Variants in RBKS observed in about 807,000 individuals in gnomAD.
RBKS encodes the protein ribokinase.
Under a neutral mutation model 33.9 loss-of-function variants are expected in RBKS, and 33 were observed. That is an observed-to-expected ratio of 0.97 (90% CI 0.74 to 1.30). RBKS has a LOEUF of 1.30. RBKS is among the 50% of genes most tolerant of loss of function. The pLI, the probability that RBKS is intolerant of heterozygous loss-of-function variation, is 0.00. For missense variants in RBKS, 361 were observed against 392.6 expected, an observed-to-expected ratio of 0.92 and a Z score of 0.68; for synonymous variants, 125 against 143.0, an observed-to-expected ratio of 0.87 and a Z score of 0.90.
chr2:27,830,553 C>T (rs896868177), intron 6 of RBKS, among the ~76,000 whole-genome samples: 1 of 152,256 alleles, frequency 6.6e-6, no homozygotes, highest in Non-Finnish European at 1.5e-5. Flanking sequence ...CGTTAGCCAC[C>T]GCGCCTGGCT....
At chr2:27,856,633 T>C (rs1007430599) in intron 2 of RBKS, among the ~76,000 whole-genome samples, 3 of 152,176 alleles carry the variant, frequency 2.0e-5, no homozygotes, top group Non-Finnish European at 2.9e-5. Flanking sequence ...ATAGCTTCCA[T>C]AAAACATCCA....
At chr2:27,796,414 A>G (rs1443994130) in intron 7 of RBKS, among the ~76,000 whole-genome samples, 1 of 152,112 alleles carries the variant, frequency 6.6e-6, no homozygotes, top group African/African-American at 2.4e-5. Context: ...GGCATAATTC[A>G]TCTTCCTTCA....
At chr2:27,844,706 T>C (rs946357581) in intron 4 of RBKS, among the ~76,000 whole-genome samples, 2 of 152,060 alleles carry the variant, frequency 1.3e-5, no homozygotes, top group African/African-American at 2.4e-5. Flanking sequence ...CAAGATAAAT[T>C]TTTGATTACA....
intron 3 of RBKS, 135 bp from the exon 4 acceptor site, chr2:27,847,239 A>C (rs1215700280): frequency 1.1e-5 from 6 of 562,514 alleles, no homozygotes; most frequent in Non-Finnish European, 1.6e-5. Flanking sequence ...AAAAAAAATA[A>C]GTAATTAGTG....
At chr2:27,869,477 G>A (rs1340130721) in intron 1 of RBKS, among the ~76,000 whole-genome samples, 6 of 152,052 alleles carry the variant, frequency 3.9e-5, no homozygotes, top group African/African-American at 1.4e-4. Context: ...AATGTTCTGT[G>A]GTATTCCACA....
In RBKS at chr2:27,827,636, C is replaced by T; in HGVS notation, c.726G>A (p.Val242=). 1.2e-6 allele frequency: 2 copies of T among 1,613,560 alleles called. No homozygotes were observed. Among genetic ancestry groups the T allele is most frequent in the Non-Finnish European group, 1.7e-6 (2 of 1,179,800 alleles). The change falls in exon 7 of 8, where the codon GTG becomes GTA. Residue 242 remains valine, a synonymous_variant. Coordinates refer to ENST00000302188, the MANE Select transcript of RBKS (RefSeq NM_022128.3). ...GCTCAGGTTCTGTCTGTGACAGCAC[C>T]ACACATCCTTCAGCCCCTAAGGTAA... ...VIITLGAEGC[V]VLSQTEPEPK...
intron 4 of RBKS, among the ~76,000 whole-genome samples, chr2:27,846,442 T>G (rs1663622206): frequency 6.6e-6 from 1 of 152,230 alleles, no homozygotes; most frequent in South Asian, 2.1e-4. Flanking sequence ...GCATTGGCAT[T>G]ACAGGTGTGA....
chr2:27,818,681 T>C (rs1678143792), intron 7 of RBKS, among the ~76,000 whole-genome samples: 1 of 152,228 alleles, frequency 6.6e-6, no homozygotes, highest in Non-Finnish European at 1.5e-5. Flanking sequence ...TGGCACAGTG[T>C]GGTGCCCAGC....
intron 7 of RBKS, among the ~76,000 whole-genome samples, chr2:27,821,364 C>T (rs563838320): frequency 6.6e-6 from 1 of 151,964 alleles, no homozygotes; most frequent in Non-Finnish European, 1.5e-5. Context: ...GTTGTAATTA[C>T]ACTATTTTTT....
chr2:27,782,927 A>C (rs2148178355), intron 7 of RBKS, among the ~76,000 whole-genome samples: 1 of 152,112 alleles, frequency 6.6e-6, no homozygotes, highest in East Asian at 1.9e-4. Context: ...AATTATTGGG[A>C]GTTCTTCTGC....
At chr2:27,806,012 C>T (rs1430154365) in intron 7 of RBKS, among the ~76,000 whole-genome samples, 1 of 152,134 alleles carries the variant, frequency 6.6e-6, no homozygotes, top group Non-Finnish European at 1.5e-5. Context: ...CTATCTCAGC[C>T]TCCCAGGTAG....
At chr2:27,874,802 G>A (rs1295151777) in intron 1 of RBKS, among the ~76,000 whole-genome samples, 3 of 152,174 alleles carry the variant, frequency 2.0e-5, no homozygotes, top group Admixed American at 6.5e-5. Context: ...TCCCTCCCTG[G>A]AGAGGCTGGT....
intron 7 of RBKS, among the ~76,000 whole-genome samples, chr2:27,801,672 A>C (rs1036137891): frequency 6.6e-6 from 1 of 151,964 alleles, no homozygotes; most frequent in Admixed American, 6.6e-5. Context: ...TTATAAAGAA[A>C]AGAGATTTAA....
At chr2:27,844,914 G>A (rs990193076) in intron 4 of RBKS, among the ~76,000 whole-genome samples, 3 of 152,086 alleles carry the variant, frequency 2.0e-5, no homozygotes, top group Non-Finnish European at 2.9e-5. Flanking sequence ...CGGGCTGCTC[G>A]TGCTGATCTT....
chr2:27,838,857 G>C (rs749794969), intron 5 of RBKS, among the ~76,000 whole-genome samples: 51 of 152,256 alleles, frequency 3.3e-4, no homozygotes, highest in Middle Eastern at 3.4e-3. Context: ...TAAACTCCTA[G>C]TTATCTTAAC....
chr2:27,847,159 T>A, intron 3 of RBKS, 55 bp from the exon 4 acceptor site: 1 of 1,021,918 alleles, frequency 9.8e-7, no homozygotes, highest in Non-Finnish European at 1.5e-6. Context: ...ATGGATAATT[T>A]ATTTTAACAA....
intron 7 of RBKS, among the ~76,000 whole-genome samples, chr2:27,792,965 T>C (rs55803485): frequency 0.017 from 2,594 of 152,252 alleles, 75 homozygotes; most frequent in African/African-American, 0.059. Flanking sequence ...GGCCTTGCTA[T>C]AGAGTGGAGC....
intron 2 of RBKS, among the ~76,000 whole-genome samples, chr2:27,852,140 G>T (rs1663760098): frequency 1.3e-5 from 2 of 152,330 alleles, no homozygotes; most frequent in Admixed American, 1.3e-4. Flanking sequence ...CCCAGGCTCA[G>T]TTCCGCCCTG....
rs1322760555 is a variant in RBKS, at chr2:27,827,753, A to C, written c.609T>G (p.Ala203=). 15 of 1,586,150 alleles carry C rather than the reference A, an allele frequency of 9.5e-6. No homozygotes were observed. Among genetic ancestry groups the C allele is most frequent in the Non-Finnish European group, 1.3e-5 (15 of 1,169,120 alleles). The change falls in exon 7 of 8, where the codon GCT becomes GCG. Residue 203 remains alanine, a splice_region_variant and synonymous_variant. Transcript: ENST00000302188. The part of the protein sequence containing the change: ...SDVFCCNESE[A]EILTGLTVGS... Reference sequence around the variant, plus strand: ...CCACCGTGAGGCCAGTTAAAATCTCAGCCTAGAATACACAAAAGTCAACAG... The same window carrying C: ...CCACCGTGAGGCCAGTTAAAATCTCCGCCTAGAATACACAAAAGTCAACAG...
Sources: allele counts gnomAD v4.1 joint callset (sites outside exome capture counted in the v4.1 genomes callset), GRCh38; gene constraint gnomAD v4.1.1; transcripts MANE v1.5; gene names NCBI Gene and HGNC (gene_info 2026-07-23, HGNC 2026-07-21).